Variants in SLK observed in about 807,000 individuals in gnomAD.
The protein encoded by SLK is STE20-like serine/threonine-protein kinase.
In SLK, 67 loss-of-function variants were observed where a neutral mutation model predicts 147.7. That is an observed-to-expected ratio of 0.45 (90% CI 0.37 to 0.56). The LOEUF (loss-of-function observed/expected upper bound fraction) is 0.56, where lower values mean the gene tolerates loss of function less well. Ranked by LOEUF, SLK falls within the 20% of genes least tolerant of loss-of-function variation. The pLI, the probability that SLK is intolerant of heterozygous loss-of-function variation, is 0.00. For missense variants in SLK, 1,136 were observed against 1,438.8 expected, an observed-to-expected ratio of 0.79 and a Z score of 3.41; for synonymous variants, 441 against 475.0, an observed-to-expected ratio of 0.93 and a Z score of 0.93.
chr10:103,967,692 G>A lies in SLK; in HGVS notation c.-54G>A. ...CGGGAGAGCAGGGAAGAGAAACTTT[G>A]CCTTTTATTGTTTTTAGTCCTTAAG... On this transcript the variant is annotated 5_prime_UTR_variant, in exon 1 of 19. Transcript: ENST00000369755. 6.4e-7 allele frequency: 1 copy of A among 1,562,720 alleles called. No individual in the cohort carries two copies. Among genetic ancestry groups the A allele is most frequent in the Non-Finnish European group, 8.7e-7 (1 of 1,147,088 alleles).
Position 103,995,414 on chromosome 10 carries a change from CTTTCTTTTCTTTT to C in SLK, c.514+2285_514+2297del, listed in dbSNP as rs1481885826. ...TAATTAACCATTTCTTTTTTCTTTTCTTTCTTTTCTTTTTTTTTTTTTTTTTTTTTTGAGTCAA... is the reference window on the plus strand; with the variant it reads ...TAATTAACCATTTCTTTTTTCTTTTCTTTTTTTTTTTTTTTTTTGAGTCAA... On this transcript the variant is annotated intron_variant, in intron 4 of 18. Coordinates refer to ENST00000369755, the MANE Select transcript of SLK (RefSeq NM_014720.4). Among the ~76,000 whole-genome samples the C allele has an allele frequency of 1.1e-3, 140 of 125,314 alleles. 1 individual carries two copies. The highest frequency in any genetic ancestry group is 4.1e-3 in the Middle Eastern group (1 of 246). The allele number at this position is 125,314 out of a possible 152,430, so 82.2% of individuals were successfully genotyped here. A position where few individuals can be genotyped will look rare whatever the true frequency, so the allele number is the denominator to read the frequency against.
chr10:104,018,795 G>T lies in SLK; in HGVS notation c.3019G>T (p.Ala1007Ser). The change falls in exon 15 of 19, where the codon GCA becomes TCA. Residue 1007 changes from alanine (A) to serine (S), a missense_variant. By Grantham distance (99) the Ala-to-Ser change is moderately conservative. This residue lies in a region of SLK where 327 missense variants were observed against 457.5 expected (regional missense o/e 0.71). Transcript: ENST00000369755. ...CTGCTGTCTTCTAGCTCGAGAAGCT[G>T]CAATTTGGGAGCTCGAAGAACGACA... ...KQQLMRAREAAIWELEERHLQ... is the reference protein window; with the variant it reads ...KQQLMRAREASIWELEERHLQ... 1 of 1,611,176 alleles carries T rather than the reference G, an allele frequency of 6.2e-7. No individual in the cohort carries two copies. Among genetic ancestry groups the T allele is most frequent in the Non-Finnish European group, 8.5e-7 (1 of 1,179,254 alleles).
At chr10:104,016,084 C>G (rs529856029) in intron 13 of SLK, among the ~76,000 whole-genome samples, 10 of 151,940 alleles carry the variant, frequency 6.6e-5, no homozygotes, top group Non-Finnish European at 2.9e-5. Context: ...TTTGGGAGGC[C>G]GAGGTGGGCG....
intron 4 of SLK, among the ~76,000 whole-genome samples, chr10:103,993,764 A>T (rs1428656490): frequency 6.6e-6 from 1 of 152,232 alleles, no homozygotes; most frequent in South Asian, 2.1e-4. Flanking sequence ...CTAGAGATGA[A>T]GTCCAAATTT....
chr10:104,002,683 T>C lies in SLK; in HGVS notation c.1505T>C (p.Val502Ala), dbSNP rs1245322444. 2 of 1,610,974 alleles carry C rather than the reference T, an allele frequency of 1.2e-6. No individual in the cohort carries two copies. The highest frequency in any genetic ancestry group is 2.2e-5 in the East Asian group (1 of 44,870). The change falls in exon 9 of 19, where the codon GTT becomes GCT. Residue 502 changes from valine (V) to alanine (A), a missense_variant. Coordinates refer to ENST00000369755, the MANE Select transcript of SLK (RefSeq NM_014720.4). ...KDTILQTVDL[V>A]SQETGEKEAN... ...ACTATTTTGCAAACAGTAGATTTAGTTTCTCAAGAGACTGGAGAAAAAGAG... is the reference window on the plus strand; with the variant it reads ...ACTATTTTGCAAACAGTAGATTTAGCTTCTCAAGAGACTGGAGAAAAAGAG...
chr10:103,967,636 G>A lies in SLK; in HGVS notation c.-110G>A. 1.0e-6 allele frequency: 1 copy of A among 958,016 alleles called. No individual in the cohort carries two copies. The highest frequency in any genetic ancestry group is 1.4e-6 in the Non-Finnish European group (1 of 713,686). 59.3% of individuals were successfully genotyped at this position (958,016 alleles called of 1,614,324 possible). A position where few individuals can be genotyped will look rare whatever the true frequency, so the allele number is the denominator to read the frequency against. On this transcript the variant is annotated 5_prime_UTR_variant, in exon 1 of 19. Coordinates refer to ENST00000369755, the MANE Select transcript of SLK (RefSeq NM_014720.4). ...GCCGGAGCTGCGGGGGCCGAGGGAC[G>A]CCGCGCCCGCCGCCGCCAGCCGGGC...
At chr10:104,013,120 G>A (rs1339951372) in intron 13 of SLK, among the ~76,000 whole-genome samples, 1 of 152,164 alleles carries the variant, frequency 6.6e-6, no homozygotes, top group Admixed American at 6.5e-5. Context: ...TCTATCTACT[G>A]CTTTAAGCGA....
At chr10:103,982,247 C>T (rs1270607676) in intron 1 of SLK, among the ~76,000 whole-genome samples, 1 of 152,060 alleles carries the variant, frequency 6.6e-6, no homozygotes, top group African/African-American at 2.4e-5. Flanking sequence ...TGCACATTTC[C>T]TCAGCTTCTT....
At chr10:103,989,403 C>A (rs1042315335) in intron 1 of SLK, among the ~76,000 whole-genome samples, 1 of 150,468 alleles carries the variant, frequency 6.6e-6, no homozygotes, top group African/African-American at 2.4e-5. Context: ...AACAGGAACT[C>A]ATTCATTGCT....
Position 104,002,396 on chromosome 10 carries a change from A to G in SLK, c.1218A>G (p.Leu406=), listed in dbSNP as rs200580260. The G allele has an allele frequency of 6.2e-7, 1 of 1,613,966 alleles. No individual in the cohort carries two copies. The highest frequency in any genetic ancestry group is 2.2e-5 in the East Asian group (1 of 44,874). Reference sequence around the variant, plus strand: ...ATGAACATATTACCGATGCTCAGTTAGAAGCAATGACTGAACTCCATGACA... The same window carrying G: ...ATGAACATATTACCGATGCTCAGTTGGAAGCAATGACTGAACTCCATGACA... ...DINEHITDAQ[L]EAMTELHDRT... is the part of the protein sequence containing the mutation. The change falls in exon 9 of 19, where the codon TTA becomes TTG. Residue 406 remains leucine, a synonymous_variant. Transcript: ENST00000369755.
intron 4 of SLK, 124 bp from the exon 5 acceptor site, chr10:103,998,775 T>C (rs1329853158): frequency 1.3e-5 from 8 of 607,342 alleles, no homozygotes; most frequent in Non-Finnish European, 2.3e-5. Flanking sequence ...TTTTTCTTTC[T>C]GTTTAACTTA....
chr10:103,996,760 T>C (rs1416440313), intron 4 of SLK, among the ~76,000 whole-genome samples: 1 of 152,178 alleles, frequency 6.6e-6, no homozygotes, highest in East Asian at 1.9e-4. Flanking sequence ...CAGGAAAGTT[T>C]TCTGGAGTTA....
intron 1 of SLK, among the ~76,000 whole-genome samples, chr10:103,975,209 C>T (rs1843853810): frequency 6.6e-6 from 1 of 151,974 alleles, no homozygotes; most frequent in Admixed American, 6.6e-5. Context: ...TCCAGATCCA[C>T]ACATCCAACT....
intron 7 of SLK, 71 bp from the exon 8 acceptor site, chr10:104,001,373 T>A (rs1844245754): frequency 1.6e-6 from 2 of 1,213,628 alleles, no homozygotes; most frequent in African/African-American, 3.0e-5. Context: ...TAAGAATGTG[T>A]GTTGTGTGTG....
chr10:103,979,704 GCTCT>G (rs1022280673), intron 1 of SLK, among the ~76,000 whole-genome samples: 8 of 152,006 alleles, frequency 5.3e-5, no homozygotes, highest in Non-Finnish European at 1.0e-4. Flanking sequence ...AGTCTTTTGG[GCTCT>G]CTTTCTTTTT....
At chr10:104,024,891 C>T (rs1844578148) in intron 18 of SLK, among the ~76,000 whole-genome samples, 1 of 152,184 alleles carries the variant, frequency 6.6e-6, no homozygotes, top group Non-Finnish European at 1.5e-5. Flanking sequence ...TTTAGCCCCT[C>T]ATGAAGGCAC....
intron 1 of SLK, among the ~76,000 whole-genome samples, chr10:103,971,753 T>C (rs1300931762): frequency 6.6e-6 from 1 of 152,230 alleles, no homozygotes; most frequent in African/African-American, 2.4e-5. Flanking sequence ...TAAAAAATAG[T>C]AAAATATATA....
intron 18 of SLK, 68 bp from the exon 19 acceptor site, chr10:104,025,506 T>A: frequency 6.8e-7 from 1 of 1,462,392 alleles, no homozygotes; most frequent in South Asian, 1.2e-5. Flanking sequence ...AGTTTTATCT[T>A]GGCTGTCAGC....
chr10:103,980,779 CTACGAACGTGGGTG>C (rs1279755266), intron 1 of SLK, among the ~76,000 whole-genome samples: 1 of 152,152 alleles, frequency 6.6e-6, no homozygotes, highest in African/African-American at 2.4e-5. Context: ...GTGTATTTAG[CTACGAACGTGGGTG>C]TACAAGTATC....
Sources: gnomAD v4.1 joint callset for allele counts (sites outside exome capture counted in the v4.1 genomes callset) on GRCh38, gnomAD v4.1.1 for gene constraint, gnomAD v4.1.1 regional missense constraint, MANE v1.5 for transcripts, NCBI Gene and HGNC (gene_info 2026-07-23, HGNC 2026-07-21) for gene names.